SEC24A: variants seen among roughly 807,000 people sequenced by gnomAD.
SEC24A encodes protein transport protein Sec24A.
In SEC24A, 93 loss-of-function variants were observed where a neutral mutation model predicts 129.4. The observed-to-expected ratio is 0.72, with a 90% confidence interval of 0.61 to 0.85. SEC24A has a LOEUF of 0.85. SEC24A is among the 40% of genes least tolerant of loss of function. The pLI, the probability that SEC24A is intolerant of heterozygous loss-of-function variation, is 0.00. For missense variants in SEC24A, 1,264 were observed against 1,307.4 expected (o/e 0.97, Z 0.51); for synonymous variants, 460 against 467.3 (o/e 0.98, Z 0.20).
At chr5:134,682,233 ACT>A (rs1751299183) in intron 8 of SEC24A, 138 bp from the exon 9 acceptor site, 1 of 493,424 alleles carries the variant, frequency 2.0e-6, no homozygotes, top group Non-Finnish European at 3.6e-6. Context: ...ACAGAGTGAA[ACT>A]CTGTCTCAAA....
At chr5:134,658,586 T>C (rs1750330653) in intron 1 of SEC24A, among the ~76,000 whole-genome samples, 1 of 152,106 alleles carries the variant, frequency 6.6e-6, no homozygotes, top group South Asian at 2.1e-4. Context: ...TTTAATTTTT[T>C]TGTGTGGAAA....
intron 13 of SEC24A, among the ~76,000 whole-genome samples, chr5:134,694,301 A>G (rs1405643970): frequency 6.6e-6 from 1 of 152,062 alleles, no homozygotes; most frequent in Non-Finnish European, 1.5e-5. Flanking sequence ...CGAGTTGGGC[A>G]GTTCATCTGA....
intron 18 of SEC24A, among the ~76,000 whole-genome samples, chr5:134,712,566 T>G (rs1752358607): frequency 6.6e-6 from 1 of 151,550 alleles, no homozygotes; most frequent in South Asian, 2.1e-4. Context: ...TCTCACTTCT[T>G]TAACTCAAAT....
At chr5:134,672,988 C>G (rs1210555201) in intron 4 of SEC24A, among the ~76,000 whole-genome samples, 8 of 151,428 alleles carry the variant, frequency 5.3e-5, no homozygotes. Context: ...GAGATCCCTC[C>G]TGCCTTGGTT....
intron 11 of SEC24A, among the ~76,000 whole-genome samples, chr5:134,691,412 C>T (rs1237736389): frequency 6.6e-6 from 1 of 151,354 alleles, no homozygotes; most frequent in Admixed American, 6.6e-5. Flanking sequence ...CATGATCCAC[C>T]TGCCTCAGCC....
intron 18 of SEC24A, among the ~76,000 whole-genome samples, chr5:134,713,041 C>T (rs1417669416): frequency 2.1e-5 from 3 of 145,734 alleles, no homozygotes; most frequent in Admixed American, 1.4e-4. Context: ...ACGCCATTCT[C>T]CTGCCTCAGC....
chr5:134,676,846 G>T (rs1433738059), intron 7 of SEC24A, among the ~76,000 whole-genome samples: 1 of 152,100 alleles, frequency 6.6e-6, no homozygotes, highest in Non-Finnish European at 1.5e-5. Context: ...TTAGGAAGTC[G>T]ATGATTGACA....
At chr5:134,653,350 A>G (rs1457612209) in intron 1 of SEC24A, among the ~76,000 whole-genome samples, 1 of 152,170 alleles carries the variant, frequency 6.6e-6, no homozygotes. Context: ...TCCTGGCTGA[A>G]GTGATCCTCC....
At chr5:134,675,657 T>G (rs1751034889) in intron 6 of SEC24A, among the ~76,000 whole-genome samples, 1 of 152,208 alleles carries the variant, frequency 6.6e-6, no homozygotes, top group East Asian at 1.9e-4. Flanking sequence ...TAAATTGTAT[T>G]TAGAATCTTC....
At position 134,679,586 on chromosome 5, in the gene SEC24A, G is replaced by GT. The variant is rs752585763; in HGVS notation, c.1255-5dup. On this transcript the variant is annotated splice_polypyrimidine_tract_variant and intron_variant, in intron 7 of 22. Transcript: ENST00000398844. ...TTTTTGCCTTTAAAAATTTAATTCT[G>GT]TTTTTTTTTTTCCAGCAATTGCCTG... 103,938 of 1,012,870 alleles carry GT rather than the reference G, an allele frequency of 0.1. 5 individuals carry two copies. The highest frequency in any genetic ancestry group is 0.13 in the South Asian group (7,075 of 52,658). 62.7% of individuals were successfully genotyped at this position (1,012,870 alleles called of 1,614,324 possible). A position where few individuals can be genotyped will look rare whatever the true frequency, so the allele number is the denominator to read the frequency against.
chr5:134,709,181 A>T (rs1229155104), intron 18 of SEC24A, among the ~76,000 whole-genome samples: 1 of 152,168 alleles, frequency 6.6e-6, no homozygotes, highest in Non-Finnish European at 1.5e-5. Flanking sequence ...ACTGTACTCC[A>T]GCTTGGGTGA....
chr5:134,721,417 G>A (rs964881562), intron 21 of SEC24A, among the ~76,000 whole-genome samples: 3 of 150,436 alleles, frequency 2.0e-5, no homozygotes, highest in Admixed American at 2.0e-4. Flanking sequence ...ACAAAAATTA[G>A]TTGGGCGTGG....
chr5:134,713,864 A>T (rs1478301533), intron 18 of SEC24A, among the ~76,000 whole-genome samples: 1 of 145,892 alleles, frequency 6.9e-6, no homozygotes, highest in Non-Finnish European at 1.5e-5. Context: ...CCTGCTCTCT[A>T]CTAAAAATAC....
At chr5:134,691,357 C>T (rs1751644205) in intron 11 of SEC24A, among the ~76,000 whole-genome samples, 1 of 149,336 alleles carries the variant, frequency 6.7e-6, no homozygotes, top group East Asian at 2.0e-4. Context: ...TTAGTAGAGA[C>T]AGGGTTTCAC....
chr5:134,686,931 A>C, intron 10 of SEC24A, 29 bp downstream of exon 10: 1 of 1,191,260 alleles, frequency 8.4e-7, no homozygotes, highest in South Asian at 1.3e-5. Context: ...CTTAAATATG[A>C]AACTAATAAT....
intron 16 of SEC24A, 66 bp from the exon 17 acceptor site, chr5:134,705,261 G>T: frequency 4.0e-6 from 5 of 1,263,136 alleles, no homozygotes; most frequent in East Asian, 4.7e-5. Flanking sequence ...TTTTCCAAGT[G>T]ACTTTAACAT....
chr5:134,708,698 C>G lies in SEC24A; in HGVS notation c.2552-15C>G. 1 of 1,601,048 alleles carries G rather than the reference C, an allele frequency of 6.2e-7. No homozygotes were observed. Among genetic ancestry groups the G allele is most frequent in the Non-Finnish European group, 8.5e-7 (1 of 1,175,426 alleles). On this transcript the variant is annotated splice_polypyrimidine_tract_variant and intron_variant, in intron 17 of 22. Transcript: ENST00000398844. Reference sequence around the variant, plus strand: ...TATCATATTTCTTTTTTGTCCTTACCCTCACCTTGCTTAGCTGTTGACAGA... The same window carrying G: ...TATCATATTTCTTTTTTGTCCTTACGCTCACCTTGCTTAGCTGTTGACAGA...
rs539231379 is a variant in SEC24A, at chr5:134,718,826, C to A, written c.2970+653C>A. ...CTACTAAAAATACAAAGAAATTAAC[C>A]GAGCGTGGTGGGGCATGCCTGTAAT... is the stretch of plus-strand genomic sequence containing the variant. On this transcript the variant is annotated intron_variant, in intron 20 of 22. Coordinates refer to ENST00000398844, the MANE Select transcript of SEC24A (RefSeq NM_021982.3). Among the ~76,000 whole-genome samples the A allele has an allele frequency of 4.6e-5, 7 of 151,758 alleles. No homozygotes were observed. In the East Asian group the frequency reaches 1.2e-3, roughly 25 times the overall value.
At chr5:134,705,221 A>C in intron 16 of SEC24A, 106 bp from the exon 17 acceptor site, 1 of 757,928 alleles carries the variant, frequency 1.3e-6, no homozygotes, top group Non-Finnish European at 2.2e-6. Context: ...GACTACAGGG[A>C]TGCACCACTG....
Sources: allele counts gnomAD v4.1 joint callset (sites outside exome capture counted in the v4.1 genomes callset), GRCh38; gene constraint gnomAD v4.1.1; transcripts MANE v1.5; gene names NCBI Gene and HGNC (gene_info 2026-07-23, HGNC 2026-07-21).